The following EP300 variants were observed in gnomAD, a reference collection of about 807,000 sequenced individuals.
EP300 encodes the protein histone acetyltransferase p300.
In EP300, 31 loss-of-function variants were observed where a neutral mutation model predicts 264.0. The observed-to-expected ratio is 0.12, with a 90% CI of 0.09 to 0.16. The LOEUF is 0.16. Among genes scored for constraint, EP300 ranks in the 10% least tolerant of loss-of-function variants. The pLI is 1.00. For synonymous variants in EP300, 1,340 were observed against 1,045.4 expected, an observed-to-expected ratio of 1.28 and a Z score of -5.44; for missense variants, 2,766 against 3,052.9, an observed-to-expected ratio of 0.91 and a Z score of 2.21.
At chr22:41,093,130 C>T (rs199869624) in intron 1 of EP300, 32 bp downstream of exon 1, 7 of 1,604,472 alleles carry the variant, frequency 4.4e-6, no homozygotes, top group African/African-American at 4.0e-5. Context: ...CTTCCACGTT[C>T]CCTTTAATCT....
chr22:41,149,855 C>T lies in EP300; in HGVS notation c.2474C>T (p.Pro825Leu). The T allele has an allele frequency of 1.2e-6, 2 of 1,614,082 alleles. No homozygotes were observed. Among genetic ancestry groups the T allele is most frequent in the Non-Finnish European group, 1.7e-6 (2 of 1,180,012 alleles). The part of the protein sequence containing the change: ...SHIHCPQLPQ[P>L]ALHQNSPSPV... The stretch of plus-strand genomic sequence containing the variant: ...ATTCACTGTCCCCAGCTTCCTCAAC[C>T]AGCTCTTCATCAGAATTCACCCTCG... The change falls in exon 14 of 31, where the codon CCA becomes CTA. Residue 825 changes from proline to leucine, a missense_variant. By Grantham distance (98) the Pro-to-Leu change is moderately conservative (BLOSUM62 -3). Coordinates refer to ENST00000263253, the MANE Select transcript of EP300 (RefSeq NM_001429.4).
rs746155590 is a variant in EP300 at position 41,146,772 on chromosome 22, G to A, written c.2087G>A (p.Gly696Asp). 5 of 1,614,122 alleles carry A rather than the reference G, an allele frequency of 3.1e-6. No individual in the cohort carries two copies. The highest frequency in any genetic ancestry group is 2.7e-5 in the African/African-American group (2 of 75,028). The stretch of plus-strand genomic sequence containing the variant: ...CTACCTGACCCAAGTATGATCCGTG[G>A]CAGTGTGCCAAACCAGATGATGCCT... ...GPLPDPSMIR[G>D]SVPNQMMPRI... Residue 696 changes from glycine (G) to aspartate (D), a missense_variant, in exon 11 of 31, where the codon GGC becomes GAC. Physicochemically the swap from Gly to Asp is moderately conservative, Grantham distance 94. Transcript: ENST00000263253.
intron 4 of EP300, 58 bp from the exon 5 acceptor site, chr22:41,129,832 T>C (rs1316042757): frequency 2.3e-6 from 3 of 1,315,180 alleles, no homozygotes; most frequent in Non-Finnish European, 3.3e-6. Flanking sequence ...ACAAGTTAGC[T>C]ATTATTAATG....
chr22:41,169,462 T>G, intron 25 of EP300, 41 bp from the exon 26 acceptor site: 1 of 1,331,644 alleles, frequency 7.5e-7, no homozygotes, highest in Non-Finnish European at 1.1e-6. Context: ...TTATGTGACC[T>G]GACTTTTTTT....
At chr22:41,154,373 A>G (rs1433991037) in intron 16 of EP300, among the ~76,000 whole-genome samples, 1 of 60,166 alleles carries the variant, frequency 1.7e-5, no homozygotes, top group African/African-American at 6.2e-5. Context: ...TATCTTGTGC[A>G]CTCTTTTTTT....
chr22:41,108,962 C>T (rs956482525), intron 1 of EP300, among the ~76,000 whole-genome samples: 8 of 152,186 alleles, frequency 5.3e-5, no homozygotes, highest in Non-Finnish European at 1.0e-4. Flanking sequence ...TAAGAGCTCA[C>T]CTTACTGTCT....
rs778469565 is a variant in EP300 at position 41,160,637 on chromosome 22, G to A, written c.3591-5G>A. On this transcript the variant is annotated splice_polypyrimidine_tract_variant and splice_region_variant and intron_variant, in intron 19 of 30. Coordinates refer to ENST00000263253, the MANE Select transcript of EP300 (RefSeq NM_001429.4). Reference sequence around the variant, plus strand: ...TTCACCCCAGTATGGCCTTCTTGCCGACAGGTATCATTTCTGTGAGAAGTG... The same window carrying A: ...TTCACCCCAGTATGGCCTTCTTGCCAACAGGTATCATTTCTGTGAGAAGTG... 1.8e-5 allele frequency: 29 copies of A among 1,613,688 alleles called. No homozygotes were observed. Among genetic ancestry groups the A allele is most frequent in the South Asian group, 1.6e-4 (15 of 91,064 alleles).
At chr22:41,141,253 G>C (rs905198304) in intron 10 of EP300, 31 bp downstream of exon 10, 2 of 1,596,530 alleles carry the variant, frequency 1.3e-6, no homozygotes, top group Non-Finnish European at 1.7e-6. Context: ...TTCTGTTTGA[G>C]AGAAATTGAT....
At chr22:41,142,451 A>G (rs969401164) in intron 10 of EP300, among the ~76,000 whole-genome samples, 13 of 152,210 alleles carry the variant, frequency 8.5e-5, no homozygotes, top group East Asian at 5.8e-4. Flanking sequence ...AGGAAATAGT[A>G]TACATGGAGG....
In EP300 at chr22:41,158,470, G is replaced by A. The variant is rs1289132149; in HGVS notation, c.3560G>A (p.Arg1187His). 9 of 1,613,974 alleles carry A rather than the reference G, an allele frequency of 5.6e-6. No homozygotes were observed. Among genetic ancestry groups the A allele is most frequent in the African/African-American group, 1.3e-5 (1 of 74,906 alleles). The change falls in exon 19 of 31, where the codon CGT (arginine) becomes CAT (histidine). Residue 1187 changes from arginine (R) to histidine (H), a missense_variant. Coordinates refer to ENST00000263253, the MANE Select transcript of EP300 (RefSeq NM_001429.4). ...CYGKQLCTIP[R>H]DATYYSYQNR... Reference sequence around the variant, plus strand: ...GGCAAACAGTTGTGCACAATACCTCGTGATGCCACTTATTACAGTTACCAG... The same window carrying A: ...GGCAAACAGTTGTGCACAATACCTCATGATGCCACTTATTACAGTTACCAG...
At chr22:41,167,813 TG>T (rs1569115863) in intron 23 of EP300, among the ~76,000 whole-genome samples, 1 of 58,730 alleles carries the variant, frequency 1.7e-5, no homozygotes, top group Non-Finnish European at 3.3e-5. Context: ...TGTTTGTTTT[TG>T]TTTTTTTTTT....
chr22:41,166,509 G>C, intron 22 of EP300, 90 bp from the exon 23 acceptor site: 1 of 1,008,282 alleles, frequency 9.9e-7, no homozygotes, highest in Non-Finnish European at 1.5e-6. Context: ...AAATACTTCT[G>C]CTAGATTGTC....
In EP300 at chr22:41,119,170, T is replaced by TTA. The variant is rs1348151861; in HGVS notation, c.729+1351_729+1352dup. Among the ~76,000 whole-genome samples the TTA allele has an allele frequency of 2.5e-4, 25 of 99,334 alleles. No individual in the cohort carries two copies. In the South Asian group the frequency reaches 3.9e-3, roughly 16 times the overall value. The allele number at this position is 99,334 out of a possible 152,430, so 65.2% of individuals were successfully genotyped here. On this transcript the variant is annotated intron_variant, in intron 2 of 30. Coordinates refer to ENST00000263253, the MANE Select transcript of EP300 (RefSeq NM_001429.4). ...GGCACATACCACCATGCCTGGCTTA[T>TTA]TATTATTTTTTTTTTTTTTTTTTTT...
chr22:41,139,973 CAA>C (rs2058972332), intron 8 of EP300, among the ~76,000 whole-genome samples, 165 bp from the exon 9 acceptor site: 2 of 152,076 alleles, frequency 1.3e-5, no homozygotes, highest in South Asian at 4.1e-4. Flanking sequence ...GAAATATAGA[CAA>C]AAATTCTTTT....
chr22:41,102,376 A>C (rs1005797240), intron 1 of EP300, among the ~76,000 whole-genome samples: 5 of 152,090 alleles, frequency 3.3e-5, no homozygotes, highest in African/African-American at 1.2e-4. Context: ...TGATTTTGGG[A>C]TCTCACAGAT....
chr22:41,179,099 T>C lies in EP300; in HGVS notation c.*143T>C. ...ATAAGAACTGTGCAGTAGCCGTTTG[T>C]GGTTTAAAGCAAACATGCAAGATGA... is the stretch of plus-strand genomic sequence containing the variant. On this transcript the variant is annotated 3_prime_UTR_variant, in exon 31 of 31. Transcript: ENST00000263253. 1.1e-6 allele frequency: 1 copy of C among 915,962 alleles called. No individual in the cohort carries two copies. Among genetic ancestry groups the C allele is most frequent in the South Asian group, 1.6e-5 (1 of 61,086 alleles). The allele number at this position is 915,962 out of a possible 1,614,324, so 56.7% of individuals were successfully genotyped here. A position where few individuals can be genotyped will look rare whatever the true frequency, so the allele number is the denominator to read the frequency against.
chr22:41,160,744 A>G (rs1384021422), intron 20 of EP300, 22 bp downstream of exon 20: 1 of 1,604,640 alleles, frequency 6.2e-7, no homozygotes, highest in Non-Finnish European at 8.5e-7. Context: ...CATTATTTTG[A>G]AAAGTGCTAA....
At chr22:41,171,296 GTTT>G (rs2059169412) in intron 27 of EP300, among the ~76,000 whole-genome samples, 1 of 151,366 alleles carries the variant, frequency 6.6e-6, no homozygotes, top group Non-Finnish European at 1.5e-5. Flanking sequence ...TTTTGTTTTG[GTTT>G]TTTGTTGGTT....
At chr22:41,126,082 T>G in intron 3 of EP300, 42 bp downstream of exon 3, 1 of 1,598,272 alleles carries the variant, frequency 6.3e-7, no homozygotes, top group Non-Finnish European at 8.6e-7. Flanking sequence ...AAACTGGCAT[T>G]TTGACAAAAG....
Sources: allele counts gnomAD v4.1 joint callset (sites outside exome capture counted in the v4.1 genomes callset), GRCh38; gene constraint gnomAD v4.1.1; transcripts MANE v1.5; gene names NCBI Gene and HGNC (gene_info 2026-07-23, HGNC 2026-07-21).